Variants in RGL1 observed in about 807,000 individuals in gnomAD.
RGL1 encodes the protein ral guanine nucleotide dissociation stimulator-like 1.
A neutral mutation model predicts 95.2 loss-of-function variants in RGL1; 24 were observed. The ratio of observed to expected loss-of-function variants is 0.25; its 90% CI spans 0.18 to 0.35. RGL1 has a LOEUF of 0.35. RGL1 is among the 10% of genes least tolerant of loss of function. The pLI, the probability that RGL1 is intolerant of heterozygous loss-of-function variation, is 1.00. For missense variants in RGL1, 715 were observed against 936.3 expected (o/e 0.76, Z 3.08); for synonymous variants, 329 against 344.9 (o/e 0.95, Z 0.51).
chr1:183,643,473 A>G (rs1401348288), intron 1 of RGL1, among the ~76,000 whole-genome samples: 1 of 151,824 alleles, frequency 6.6e-6, no homozygotes, highest in African/African-American at 2.4e-5. Flanking sequence ...TTGTATTTTT[A>G]GTAGAGAAGG....
In RGL1 at chr1:183,874,838, C is replaced by T. The variant is rs1311997531; in HGVS notation, c.426-5778C>T. Among the ~76,000 whole-genome samples, 9 of 152,306 alleles carry T rather than the reference C, an allele frequency of 5.9e-5. No individual in the cohort carries two copies. In the East Asian group the frequency reaches 9.6e-4, roughly 16 times the overall value. ...ATCATCTAGCTGGAGGTCTCAGAGGCAGCTTCTATCTGGCAACCTTCCCTG... is the reference window on the plus strand; with the variant it reads ...ATCATCTAGCTGGAGGTCTCAGAGGTAGCTTCTATCTGGCAACCTTCCCTG... On this transcript the variant is annotated intron_variant, in intron 4 of 17. Transcript: ENST00000360851.
rs1328611092 is a variant in RGL1 at position 183,648,102 on chromosome 1, T to C, written c.-33+11601T>C. 1.5e-5 allele frequency: 24 copies of C among 1,614,140 alleles called. No homozygotes were observed. The highest frequency in any genetic ancestry group is 1.9e-5 in the Non-Finnish European group (22 of 1,180,064). The stretch of plus-strand genomic sequence containing the variant: ...TACGCCTGTTATGGCATTGATTTCA[T>C]ATGCGTTGTGCCTGTCAGCCAGTGC... On this transcript the variant is annotated intron_variant, in intron 1 of 18. Coordinates refer to the RGL1 transcript ENST00000304685.
intron 2 of RGL1, among the ~76,000 whole-genome samples, chr1:183,830,930 G>A (rs945178919): frequency 1.3e-5 from 2 of 152,126 alleles, no homozygotes; most frequent in Admixed American, 6.5e-5. Context: ...AAAATAATAT[G>A]CAATTTACTT....
At chr1:183,760,664 AACCTCAGCAATCCTCACTCAGG>A (rs912309150) in intron 2 of RGL1, among the ~76,000 whole-genome samples, 1 of 151,816 alleles carries the variant, frequency 6.6e-6, no homozygotes, top group Non-Finnish European at 1.5e-5. Flanking sequence ...GGCTTGCATG[AACCTCAGCAATCCTCACTCAGG>A]AGGCTGTAGT....
At chr1:183,815,837 G>A (rs769504628) in intron 2 of RGL1, among the ~76,000 whole-genome samples, 1 of 152,090 alleles carries the variant, frequency 6.6e-6, no homozygotes, top group Non-Finnish European at 1.5e-5. Flanking sequence ...TGAGTGGTGG[G>A]GCTCTCGTCA....
chr1:183,649,786 C>T (rs373523972), intron 1 of RGL1, among the ~76,000 whole-genome samples: 2 of 152,062 alleles, frequency 1.3e-5, no homozygotes, highest in Admixed American at 1.3e-4. Flanking sequence ...CTTCAGTTAT[C>T]GTTGTTCCTA....
intron 1 of RGL1, among the ~76,000 whole-genome samples, chr1:183,682,823 G>A (rs1653311443): frequency 6.6e-6 from 1 of 151,872 alleles, no homozygotes; most frequent in Non-Finnish European, 1.5e-5. Flanking sequence ...GTAGGTCTCT[G>A]GTAACTTTCT....
chr1:183,821,503 T>A (rs776495728), intron 2 of RGL1, among the ~76,000 whole-genome samples: 2 of 152,204 alleles, frequency 1.3e-5, no homozygotes, highest in African/African-American at 2.4e-5. Context: ...GTGGCCTGAC[T>A]TAATCTGAAG....
intron 2 of RGL1, among the ~76,000 whole-genome samples, chr1:183,777,247 C>T (rs557361689): frequency 2.6e-4 from 39 of 152,266 alleles, no homozygotes; most frequent in African/African-American, 7.9e-4. Context: ...TCTTAATTTT[C>T]GTATACTGCT....
chr1:183,647,766 C>A (rs750282103), intron 1 of RGL1: 1 of 1,614,182 alleles, frequency 6.2e-7, no homozygotes, highest in Non-Finnish European at 8.5e-7. Context: ...CACTGACCTT[C>A]CAGTGGGAAG....
At chr1:183,880,840 G>C in intron 5 of RGL1, 40 bp downstream of exon 5, 2 of 1,587,642 alleles carry the variant, frequency 1.3e-6, no homozygotes, top group Non-Finnish European at 1.7e-6. Flanking sequence ...GCTAGATTCT[G>C]ATTCTCCAGC....
At chr1:183,677,561 C>T (rs1369234762) in intron 1 of RGL1, among the ~76,000 whole-genome samples, 1 of 152,174 alleles carries the variant, frequency 6.6e-6, no homozygotes, top group Non-Finnish European at 1.5e-5. Context: ...AGGGAGCTGA[C>T]ATCCCTTAAA....
At chr1:183,880,366 AAAAC>A (rs113953745) in intron 4 of RGL1, among the ~76,000 whole-genome samples, 1 of 126,898 alleles carries the variant, frequency 7.9e-6, no homozygotes, top group East Asian at 2.5e-4. Context: ...TAGCCTCCTT[AAAAC>A]AAACAAACAA....
intron 1 of RGL1, among the ~76,000 whole-genome samples, chr1:183,696,151 A>C (rs1243577101): frequency 6.6e-6 from 1 of 152,048 alleles, no homozygotes; most frequent in Non-Finnish European, 1.5e-5. Flanking sequence ...CTGTCCATAA[A>C]TTCTCAGTTC....
intron 2 of RGL1, among the ~76,000 whole-genome samples, chr1:183,819,122 T>C (rs374080805): frequency 2.4e-4 from 37 of 152,358 alleles, no homozygotes; most frequent in African/African-American, 7.9e-4. Flanking sequence ...AGGATTTTCA[T>C]GTATCTTATT....
intron 1 of RGL1, chr1:183,647,612 C>A: frequency 6.7e-7 from 1 of 1,502,108 alleles, no homozygotes; most frequent in Non-Finnish European, 8.9e-7. Flanking sequence ...GAGAAAGTTT[C>A]CAGATTTTTA....
intron 12 of RGL1, 108 bp downstream of exon 12, chr1:183,902,708 C>A: frequency 1.0e-6 from 1 of 994,472 alleles, no homozygotes; most frequent in Admixed American, 2.2e-5. Context: ...TTAGCACCTA[C>A]TGAACGTTTA....
chr1:183,808,757 C>G (rs1039482548), intron 2 of RGL1, among the ~76,000 whole-genome samples: 1 of 151,512 alleles, frequency 6.6e-6, no homozygotes, highest in Non-Finnish European at 1.5e-5. Flanking sequence ...ATCTCTCTCT[C>G]TCTCTTTTTT....
chr1:183,742,369 C>A (rs1484182709), intron 2 of RGL1: 2 of 1,530,038 alleles, frequency 1.3e-6, no homozygotes, highest in Non-Finnish European at 1.8e-6. Flanking sequence ...GTGTAGCCAG[C>A]ACCACAGGCC....
Sources: allele counts gnomAD v4.1 joint callset (sites outside exome capture counted in the v4.1 genomes callset), GRCh38; gene constraint gnomAD v4.1.1; transcripts MANE v1.5; gene names NCBI Gene and HGNC (gene_info 2026-07-23, HGNC 2026-07-21).